The following DOP1B variants were observed in gnomAD, a reference collection of about 807,000 sequenced individuals.
DOP1B encodes the protein protein DOP1B.
Under a neutral mutation model 233.5 loss-of-function variants are expected in DOP1B, and 174 were observed. The ratio of observed to expected loss-of-function variants is 0.75; its 90% CI spans 0.66 to 0.85. The LOEUF (loss-of-function observed/expected upper bound fraction) is 0.85. DOP1B is among the 40% of genes least tolerant of loss of function. DOP1B has a pLI of 0.00. For synonymous variants in DOP1B, 1,190 were observed against 1,185.6 expected, an observed-to-expected ratio of 1.00 and a Z score of -0.08; for missense variants, 2,652 against 2,846.6, an observed-to-expected ratio of 0.93 and a Z score of 1.56.
At chr21:36,200,006 C>T (rs548454329) in intron 3 of DOP1B, among the ~76,000 whole-genome samples, 17 of 152,284 alleles carry the variant, frequency 1.1e-4, no homozygotes, top group Admixed American at 8.5e-4. Context: ...CTTGAGGAAT[C>T]GCCACACTGA....
intron 2 of DOP1B, among the ~76,000 whole-genome samples, chr21:36,176,810 C>G (rs969296124): frequency 6.6e-6 from 1 of 151,620 alleles, no homozygotes; most frequent in Non-Finnish European, 1.5e-5. Context: ...CGTTTTTTTC[C>G]CTCCCCTCCC....
chr21:36,223,492 G>A lies in DOP1B; in HGVS notation c.1370+142G>A. 5.5e-6 allele frequency: 6 copies of A among 1,089,528 alleles called. No homozygotes were observed. In the Middle Eastern group the frequency reaches 8.1e-4, roughly 148 times the overall value. 67.5% of individuals were successfully genotyped at this position (1,089,528 alleles called of 1,614,324 possible). ...TGAGTTTTAAAATTCAACTAAAACA[G>A]GATTGGAAAGAATTCACTTAAGATT... On this transcript the variant is annotated intron_variant, in intron 11 of 36. Transcript: ENST00000691173.
intron 20 of DOP1B, 86 bp downstream of exon 20, chr21:36,247,714 T>G (rs2066984871): frequency 4.2e-6 from 4 of 955,276 alleles, no homozygotes; most frequent in Admixed American, 2.7e-5. Context: ...AAGTAACGTA[T>G]GTATGTAATG....
At chr21:36,236,590 G>A (rs1050469079) in intron 15 of DOP1B, among the ~76,000 whole-genome samples, 1 of 152,094 alleles carries the variant, frequency 6.6e-6, no homozygotes, top group East Asian at 1.9e-4. Context: ...CCTGTTGAAA[G>A]AATGCTTCAA....
intron 16 of DOP1B, 68 bp downstream of exon 16, chr21:36,237,482 A>G (rs1384712217): frequency 6.3e-7 from 1 of 1,582,348 alleles, no homozygotes; most frequent in Non-Finnish European, 8.6e-7. Flanking sequence ...CCCTTAGCCA[A>G]CTGACATCCA....
chr21:36,255,702 G>A (rs1023336573), intron 23 of DOP1B, among the ~76,000 whole-genome samples: 3 of 152,172 alleles, frequency 2.0e-5, no homozygotes, highest in Non-Finnish European at 4.4e-5. Flanking sequence ...AAAGTGCTGG[G>A]ATTACGGGCG....
chr21:36,179,719 T>G (rs1339477242), intron 2 of DOP1B, among the ~76,000 whole-genome samples: 1 of 152,164 alleles, frequency 6.6e-6, no homozygotes, highest in Non-Finnish European at 1.5e-5. Flanking sequence ...AGTTTACATA[T>G]AGCCCACTCA....
At chr21:36,208,627 G>C in intron 4 of DOP1B, 88 bp from the exon 5 acceptor site, 1 of 1,403,304 alleles carries the variant, frequency 7.1e-7, no homozygotes, top group Non-Finnish European at 9.6e-7. Context: ...ATCCGCTGTG[G>C]TTCTTCATGC....
chr21:36,179,529 C>G (rs796856875), intron 2 of DOP1B, among the ~76,000 whole-genome samples: 1 of 152,168 alleles, frequency 6.6e-6, no homozygotes, highest in African/African-American at 2.4e-5. Flanking sequence ...AGAATCTTCA[C>G]TGTTTTATTG....
At chr21:36,158,131 G>A (rs2065836867) in intron 1 of DOP1B, among the ~76,000 whole-genome samples, 2 of 152,066 alleles carry the variant, frequency 1.3e-5, no homozygotes, top group Non-Finnish European at 2.9e-5. Flanking sequence ...TTAAAAATGG[G>A]TAAAGAGAGA....
chr21:36,227,929 C>T (rs1459357929), intron 13 of DOP1B, 52 bp downstream of exon 13: 1 of 1,467,614 alleles, frequency 6.8e-7, no homozygotes, highest in Non-Finnish European at 9.1e-7. Context: ...GCAGCTTATG[C>T]CTTCCTGGGA....
chr21:36,213,486 A>G (rs533438622), intron 7 of DOP1B, among the ~76,000 whole-genome samples: 2 of 151,806 alleles, frequency 1.3e-5, no homozygotes, highest in Non-Finnish European at 2.9e-5. Flanking sequence ...ACAAAAAAAC[A>G]CTGGTTTTAA....
intron 2 of DOP1B, among the ~76,000 whole-genome samples, chr21:36,172,737 C>T (rs549231237): frequency 1.5e-3 from 234 of 152,050 alleles, no homozygotes; most frequent in Non-Finnish European, 2.9e-3. Context: ...CAGAGTGAGA[C>T]CCTGGCTCAA....
chr21:36,283,717 A>G (rs918277044), intron 32 of DOP1B, among the ~76,000 whole-genome samples: 3 of 152,122 alleles, frequency 2.0e-5, no homozygotes, highest in African/African-American at 7.2e-5. Context: ...TTGCCTCCCT[A>G]CAAAATCTGG....
chr21:36,239,940 CAGG>C lies in DOP1B; in HGVS notation c.3055_3057del (p.Glu1019del), dbSNP rs777341845. On this transcript the variant is annotated inframe_deletion, in exon 18 of 37. Transcript: ENST00000691173. ...GAGAACCTCCATCCACTGCCTCAAG[CAGG>C]AGAACTCGGCCGGTGAGCAGCCTGC... 2.7e-5 allele frequency: 43 copies of C among 1,609,938 alleles called. No individual in the cohort carries two copies. The East Asian group carries it at 7.8e-4, about 29-fold the overall frequency.
At position 36,251,131 on chromosome 21, in the gene DOP1B, C is replaced by T. The variant is rs373139694; in HGVS notation, c.4999-31C>T. Reference sequence around the variant, plus strand: ...ATGATGCCATAGCCCCAATATTACTCTGCAGTAACTTTTTTTTCCCTATTT... The same window carrying T: ...ATGATGCCATAGCCCCAATATTACTTTGCAGTAACTTTTTTTTCCCTATTT... On this transcript the variant is annotated intron_variant, in intron 21 of 36. Coordinates refer to ENST00000691173, the MANE Select transcript of DOP1B (RefSeq NM_001320714.2). The T allele has an allele frequency of 3.1e-5, 49 of 1,601,050 alleles. No homozygotes were observed. In the African/African-American group the frequency reaches 4.9e-4, roughly 16 times the overall value.
At chr21:36,176,790 A>T (rs1014906209) in intron 2 of DOP1B, among the ~76,000 whole-genome samples, 24 of 152,080 alleles carry the variant, frequency 1.6e-4, no homozygotes, top group African/African-American at 5.8e-4. Flanking sequence ...GAAGATGCAG[A>T]TCCAACTCCC....
At chr21:36,292,273 G>A in intron 36 of DOP1B, 40 bp downstream of exon 36, 1 of 1,384,570 alleles carries the variant, frequency 7.2e-7, no homozygotes, top group Admixed American at 2.5e-5. Context: ...TTTTTTTTTG[G>A]TGAGACAGAG....
At position 36,230,966 on chromosome 21, in the gene DOP1B, G is replaced by T; in HGVS notation, c.2182G>T (p.Gly728Ter). Residue 728 changes from glycine (G) to a stop codon, truncating the protein, a stop_gained, in exon 14 of 37, where the codon GGA becomes TGA. Coordinates refer to ENST00000691173, the MANE Select transcript of DOP1B (RefSeq NM_001320714.2). LOFTEE classifies it high-confidence loss of function. ...CAGCAGCCCTGCCAGGAAAAACGGGGGAGAATGGGATGTTGAGAAGGTGGT... is the reference window on the plus strand; with the variant it reads ...CAGCAGCCCTGCCAGGAAAAACGGGTGAGAATGGGATGTTGAGAAGGTGGT... ...SPSSPARKNGGEWDVEKVVID... is the reference protein window; with the variant it reads ...SPSSPARKNG 1 of 1,614,150 alleles carries T rather than the reference G, an allele frequency of 6.2e-7. No individual in the cohort carries two copies. Among genetic ancestry groups the T allele is most frequent in the Non-Finnish European group, 8.5e-7 (1 of 1,180,028 alleles).
Sources: gnomAD v4.1 joint callset for allele counts (sites outside exome capture counted in the v4.1 genomes callset) on GRCh38, gnomAD v4.1.1 for gene constraint, MANE v1.5 for transcripts, NCBI Gene and HGNC (gene_info 2026-07-23, HGNC 2026-07-21) for gene names.